HS6ST3: variants seen among roughly 807,000 people sequenced by gnomAD.
HS6ST3 encodes heparan-sulfate 6-O-sulfotransferase 3.
In HS6ST3, 12 loss-of-function variants were observed where a neutral mutation model predicts 36.7. The observed-to-expected ratio is 0.33, with a 90% confidence interval of 0.21 to 0.53. HS6ST3 has a LOEUF of 0.53. HS6ST3 is among the 20% of genes least tolerant of loss of function. The probability of loss-of-function intolerance (pLI) is 0.95; values close to 1 mark genes in which losing one functional copy is unlikely to be tolerated. For synonymous variants in HS6ST3, 240 were observed against 257.5 expected (o/e 0.93, Z 0.65); for missense variants, 584 against 640.9 (o/e 0.91, Z 0.96).
chr13:96,740,071 T>C (rs1234556595), intron 1 of HS6ST3, among the ~76,000 whole-genome samples: 1 of 152,128 alleles, frequency 6.6e-6, no homozygotes, highest in African/African-American at 2.4e-5. Context: ...ACTCCCTACC[T>C]ACAGTCTCTG....
intron 1 of HS6ST3, among the ~76,000 whole-genome samples, chr13:96,302,395 A>G (rs1299426800): frequency 6.6e-6 from 1 of 152,214 alleles, no homozygotes; most frequent in Non-Finnish European, 1.5e-5. Flanking sequence ...AGCCTTTTAA[A>G]ATAGCCTTGA....
intron 1 of HS6ST3, among the ~76,000 whole-genome samples, chr13:96,487,899 CTGGT>C (rs2055923757): frequency 6.6e-6 from 1 of 152,044 alleles, no homozygotes. Flanking sequence ...CAAAATGTGA[CTGGT>C]TATGTACATC....
At chr13:96,747,989 G>GA (rs1876604521) in intron 1 of HS6ST3, among the ~76,000 whole-genome samples, 2 of 152,082 alleles carry the variant, frequency 1.3e-5, no homozygotes, top group African/African-American at 4.8e-5. Context: ...TTTTATAAGT[G>GA]AGAAGGCTGT....
At chr13:96,526,569 G>T (rs1431491420) in intron 1 of HS6ST3, among the ~76,000 whole-genome samples, 1 of 152,140 alleles carries the variant, frequency 6.6e-6, no homozygotes, top group Non-Finnish European at 1.5e-5. Flanking sequence ...CATTGCTAGG[G>T]GTTGGATTGG....
intron 1 of HS6ST3, among the ~76,000 whole-genome samples, chr13:96,252,981 T>A (rs1257021527): frequency 6.6e-6 from 1 of 152,112 alleles, no homozygotes; most frequent in Non-Finnish European, 1.5e-5. Context: ...AATTACCCAG[T>A]CTCAGGTATT....
intron 1 of HS6ST3, among the ~76,000 whole-genome samples, chr13:96,822,582 T>A (rs1878559620): frequency 6.6e-6 from 1 of 152,168 alleles, no homozygotes; most frequent in Non-Finnish European, 1.5e-5. Flanking sequence ...GTGACAAGAT[T>A]TGAAATTTCC....
At chr13:96,539,164 T>C (rs966234816) in intron 1 of HS6ST3, among the ~76,000 whole-genome samples, 14 of 152,270 alleles carry the variant, frequency 9.2e-5, no homozygotes, top group African/African-American at 3.1e-4. Flanking sequence ...TGGTTAGAAA[T>C]AGGAACATAG....
chr13:96,738,946 G>A (rs575560698), intron 1 of HS6ST3, among the ~76,000 whole-genome samples: 15 of 151,938 alleles, frequency 9.9e-5, no homozygotes, highest in Non-Finnish European at 1.6e-4. Context: ...ATCCATTCTC[G>A]TTTGTTGTTG....
chr13:96,235,412 C>T (rs935026271), intron 1 of HS6ST3, among the ~76,000 whole-genome samples: 20 of 152,080 alleles, frequency 1.3e-4, no homozygotes, highest in African/African-American at 4.6e-4. Context: ...CAAGCAGAAA[C>T]TGTTTTTTAT....
intron 1 of HS6ST3, among the ~76,000 whole-genome samples, chr13:96,533,548 C>T (rs879547517): frequency 3.9e-5 from 6 of 152,184 alleles, no homozygotes; most frequent in Non-Finnish European, 8.8e-5. Context: ...AGCCAGAACA[C>T]GTGGCATCCA....
At position 96,259,338 on chromosome 13, in the gene HS6ST3, C is replaced by T. The variant is rs547502102; in HGVS notation, c.707+167769C>T. 3.3e-5 allele frequency among the ~76,000 whole-genome samples: 5 copies of T among 152,236 alleles called. No homozygotes were observed. In the East Asian group the frequency reaches 5.8e-4, roughly 18 times the overall value. On this transcript the variant is annotated intron_variant, in intron 1 of 1. Transcript: ENST00000376705. ...GTGGAGGATTTTATGCAAGTACTGA[C>T]AGGCACAGACCTAGAAAGCTCCCCT...
intron 1 of HS6ST3, among the ~76,000 whole-genome samples, chr13:96,311,941 C>T (rs896703104): frequency 1.9e-4 from 26 of 137,704 alleles, no homozygotes; most frequent in African/African-American, 7.0e-4. Flanking sequence ...TTTTCTTTGG[C>T]TATTAAGTTC....
chr13:96,702,062 C>A (rs929650386), intron 1 of HS6ST3, among the ~76,000 whole-genome samples: 1 of 152,142 alleles, frequency 6.6e-6, no homozygotes, highest in Admixed American at 6.5e-5. Flanking sequence ...GCACTGGAAT[C>A]CACAGGAAGA....
intron 1 of HS6ST3, among the ~76,000 whole-genome samples, chr13:96,765,662 G>T (rs1225626998): frequency 6.6e-6 from 1 of 150,614 alleles, no homozygotes; most frequent in African/African-American, 2.5e-5. Context: ...ATCCAACATA[G>T]TGTACCTCTC....
At chr13:96,103,992 G>T (rs2053829840) in intron 1 of HS6ST3, among the ~76,000 whole-genome samples, 2 of 148,552 alleles carry the variant, frequency 1.3e-5, no homozygotes, top group African/African-American at 2.5e-5. Flanking sequence ...TTACCCTTTT[G>T]AGAAAATTAT....
chr13:96,655,604 A>G (rs189592853), intron 1 of HS6ST3, among the ~76,000 whole-genome samples: 3 of 152,240 alleles, frequency 2.0e-5, no homozygotes, highest in Admixed American at 2.0e-4. Context: ...ATAATGAGCC[A>G]TCTCTAGGAA....
At chr13:96,731,424 C>T (rs928648057) in intron 1 of HS6ST3, among the ~76,000 whole-genome samples, 1 of 152,064 alleles carries the variant, frequency 6.6e-6, no homozygotes, top group Non-Finnish European at 1.5e-5. Context: ...GACGGGATTT[C>T]CTTCTTTTTA....
At chr13:96,177,068 A>C (rs1379823478) in intron 1 of HS6ST3, among the ~76,000 whole-genome samples, 2 of 152,330 alleles carry the variant, frequency 1.3e-5, no homozygotes, top group East Asian at 3.9e-4. Flanking sequence ...AACCACAATG[A>C]GATACCATCT....
chr13:96,208,243 T>A (rs2054381749), intron 1 of HS6ST3, among the ~76,000 whole-genome samples: 1 of 152,198 alleles, frequency 6.6e-6, no homozygotes, highest in South Asian at 2.1e-4. Flanking sequence ...TTTTATTTCA[T>A]GTAGATATTT....
Sources: gnomAD v4.1 joint callset for allele counts (sites outside exome capture counted in the v4.1 genomes callset) on GRCh38, gnomAD v4.1.1 for gene constraint, MANE v1.5 for transcripts, NCBI Gene and HGNC (gene_info 2026-07-23, HGNC 2026-07-21) for gene names.